The following TLE4 variants were observed in gnomAD, a reference collection of about 807,000 sequenced individuals.
The protein encoded by TLE4 is transducin-like enhancer protein 4.
A neutral mutation model predicts 92.8 loss-of-function variants in TLE4; 8 were observed. That is an observed-to-expected ratio of 0.09 (90% CI 0.05 to 0.16). TLE4 has a LOEUF of 0.16. Ranked by LOEUF, TLE4 falls within the 10% of genes least tolerant of loss-of-function variation. The pLI is 1.00. For synonymous variants in TLE4, 371 were observed against 374.1 expected (o/e 0.99, Z 0.10); for missense variants, 675 against 997.6 (o/e 0.68, Z 4.36).
At chr9:79,620,873 G>A (rs370102906) in intron 5 of TLE4, among the ~76,000 whole-genome samples, 13 of 152,208 alleles carry the variant, frequency 8.5e-5, no homozygotes, top group East Asian at 5.8e-4. Context: ...GCGAAGTGGT[G>A]AAAGCAGAAA....
At chr9:79,621,104 A>T (rs1305178639) in intron 5 of TLE4, among the ~76,000 whole-genome samples, 1 of 152,180 alleles carries the variant, frequency 6.6e-6, no homozygotes, top group Non-Finnish European at 1.5e-5. Context: ...TGTTTCTTTG[A>T]ATACTGTATA....
chr9:79,661,223 C>T (rs989568927), intron 8 of TLE4, among the ~76,000 whole-genome samples: 18 of 152,050 alleles, frequency 1.2e-4, no homozygotes, highest in South Asian at 2.1e-4. Context: ...AATCGTTCAC[C>T]ATCTTTTTTT....
At position 79,695,471 on chromosome 9, in the gene TLE4, A is replaced by G. The variant is rs888660818; in HGVS notation, c.610-9312A>G. 3.8e-4 allele frequency among the ~76,000 whole-genome samples: 58 copies of G among 152,238 alleles called. 2 individuals carry two copies. Among genetic ancestry groups the G allele is most frequent in the Middle Eastern group, 3.4e-3 (1 of 294 alleles). ...GACCTTTAGGAATGCATAATCTCCT[A>G]TCTTAATATAATGAACATAATATGG... On this transcript the variant is annotated intron_variant, in intron 8 of 19. Transcript: ENST00000376552.
chr9:79,691,427 TA>T (rs1564949691), intron 8 of TLE4, among the ~76,000 whole-genome samples: 1 of 152,248 alleles, frequency 6.6e-6, no homozygotes, highest in African/African-American at 2.4e-5. Flanking sequence ...TTATGGGCTT[TA>T]AAAATTCTTA....
chr9:79,662,049 C>T (rs1359613483), intron 8 of TLE4, among the ~76,000 whole-genome samples: 2 of 152,176 alleles, frequency 1.3e-5, no homozygotes, highest in Non-Finnish European at 2.9e-5. Flanking sequence ...AATATTCCAT[C>T]CCCTCTGCAT....
At chr9:79,631,983 G>A (rs984446624) in intron 6 of TLE4, among the ~76,000 whole-genome samples, 8 of 152,054 alleles carry the variant, frequency 5.3e-5, no homozygotes, top group Non-Finnish European at 8.8e-5. Flanking sequence ...AAAAATTTAC[G>A]TTTTTTTACA....
chr9:79,634,310 G>T (rs148057108), intron 6 of TLE4, among the ~76,000 whole-genome samples: 4 of 152,140 alleles, frequency 2.6e-5, no homozygotes, highest in Admixed American at 1.3e-4. Flanking sequence ...TTTAATTAAC[G>T]CATTTTAATT....
chr9:79,596,073 C>G (rs79839746), intron 4 of TLE4, among the ~76,000 whole-genome samples: 1 of 152,086 alleles, frequency 6.6e-6, no homozygotes, highest in Non-Finnish European at 1.5e-5. Context: ...GTCTCGATCT[C>G]CTGACCTCGT....
Position 79,671,226 on chromosome 9 carries a change from C to T in TLE4, c.609+17151C>T, listed in dbSNP as rs568696178. On this transcript the variant is annotated intron_variant, in intron 8 of 19. Transcript: ENST00000376552. ...TTTTACAGCAAAACTACTTGCTGCT[C>T]ATAATGGATGAAATTGGAGACCAAA... 3.4e-4 allele frequency: 154 copies of T among 456,294 alleles called. 1 individual carries two copies. The highest frequency in any genetic ancestry group is 2.3e-3 in the South Asian group (148 of 64,530). The allele number at this position is 456,294 out of a possible 1,614,324, so 28.3% of individuals were successfully genotyped here.
intron 8 of TLE4, among the ~76,000 whole-genome samples, chr9:79,692,077 C>T (rs192378414): frequency 6.6e-6 from 1 of 152,056 alleles, no homozygotes; most frequent in African/African-American, 2.4e-5. Context: ...TGCATGCCCC[C>T]CTCCCCCATG....
chr9:79,586,387 G>A (rs2041111190), intron 4 of TLE4, among the ~76,000 whole-genome samples: 1 of 151,718 alleles, frequency 6.6e-6, no homozygotes, highest in Non-Finnish European at 1.5e-5. Flanking sequence ...AAAGAAAATT[G>A]TGTGACTTCT....
At chr9:79,698,286 G>T in intron 8 of TLE4, among the ~76,000 whole-genome samples, 1 of 152,148 alleles carries the variant, frequency 6.6e-6, no homozygotes, top group Non-Finnish European at 1.5e-5. Context: ...TTATTCTTCT[G>T]ACTGTTGGTT....
At chr9:79,600,495 A>G (rs1029825959) in intron 4 of TLE4, among the ~76,000 whole-genome samples, 11 of 152,336 alleles carry the variant, frequency 7.2e-5, no homozygotes, top group African/African-American at 2.2e-4. Flanking sequence ...ACACAAAAAC[A>G]GACAAGGAAT....
rs772861591 is a variant in TLE4, at chr9:79,720,375, T to TGGGG, written c.1838+85_1838+86insGGGG. The TGGGG allele has an allele frequency of 4.6e-4, 302 of 653,128 alleles. 12 individuals carry two copies. The highest frequency in any genetic ancestry group is 1.2e-3 in the Admixed American group (24 of 19,590). 40.5% of individuals were successfully genotyped at this position (653,128 alleles called of 1,614,324 possible). Reference sequence around the variant, plus strand: ...TGCCAAAGTGCTGTGTATATAGGTATGGGTGTGTGTGTGTGTGTGTGTGTG... The same window carrying TGGGG: ...TGCCAAAGTGCTGTGTATATAGGTATGGGGGGGTGTGTGTGTGTGTGTGTGTGTG... On this transcript the variant is annotated intron_variant, in intron 16 of 19. Transcript: ENST00000376552.
chr9:79,709,308 A>G (rs1459389665), intron 13 of TLE4, among the ~76,000 whole-genome samples: 2 of 152,166 alleles, frequency 1.3e-5, no homozygotes, highest in East Asian at 3.9e-4. Flanking sequence ...ATTTTCCAAA[A>G]TGATACTAAT....
chr9:79,684,194 A>G (rs2065300259), intron 8 of TLE4, among the ~76,000 whole-genome samples: 1 of 152,224 alleles, frequency 6.6e-6, no homozygotes, highest in Admixed American at 6.5e-5. Flanking sequence ...CATTTGCTAC[A>G]TCTGATTGGT....
chr9:79,599,497 G>A (rs970793381), intron 4 of TLE4, among the ~76,000 whole-genome samples: 1 of 152,170 alleles, frequency 6.6e-6, no homozygotes, highest in African/African-American at 2.4e-5. Flanking sequence ...CTACTGACAA[G>A]CTCAGTGTTT....
At chr9:79,703,468 T>C (rs138257199) in intron 8 of TLE4, among the ~76,000 whole-genome samples, 3,041 of 152,368 alleles carry the variant, frequency 0.02, 53 homozygotes, top group Middle Eastern at 0.11. Flanking sequence ...CCAGTTTTCA[T>C]TGGCACTTTT....
intron 6 of TLE4, among the ~76,000 whole-genome samples, chr9:79,634,285 T>C (rs144635766): frequency 6.6e-6 from 1 of 152,346 alleles, no homozygotes; most frequent in African/African-American, 2.4e-5. Context: ...ACATTGTACT[T>C]ACAAATAATC....
Sources: gnomAD v4.1 joint callset for allele counts (sites outside exome capture counted in the v4.1 genomes callset) on GRCh38, gnomAD v4.1.1 for gene constraint, MANE v1.5 for transcripts, NCBI Gene and HGNC (gene_info 2026-07-23, HGNC 2026-07-21) for gene names.